SLC44A5: variants seen among roughly 807,000 people sequenced by gnomAD.
SLC44A5 encodes solute carrier family 44 member 5.
SLC44A5 carries 57 observed loss-of-function variants against 101.8 expected under a neutral mutation model. The ratio of observed to expected loss-of-function variants is 0.56; its 90% CI spans 0.45 to 0.70. The LOEUF (loss-of-function observed/expected upper bound fraction) is 0.70. Among genes scored for constraint, SLC44A5 ranks in the 30% least tolerant of loss-of-function variants. The pLI is 0.00. For synonymous variants in SLC44A5, 281 were observed against 290.9 expected, an observed-to-expected ratio of 0.97 and a Z score of 0.35; for missense variants, 737 against 853.1, an observed-to-expected ratio of 0.86 and a Z score of 1.70.
Position 75,242,059 on chromosome 1 carries a change from A to T in SLC44A5, c.474T>A (p.Ser158=). 6.2e-7 allele frequency: 1 copy of T among 1,611,442 alleles called. No homozygotes were observed. The highest frequency in any genetic ancestry group is 1.1e-5 in the South Asian group (1 of 90,942). The part of the protein sequence containing the change: ...FCKTTAKPVK[S]LTQLLLDDDC... ...CATCATCCAGTAAAAGCTGTGTGAG[A>T]GACTAAAATAGAAGGAAGAACGTTA... Residue 158 remains serine (S), a splice_region_variant and synonymous_variant, in exon 9 of 24, where the codon TCT becomes TCA. Coordinates refer to ENST00000370859, the MANE Select transcript of SLC44A5 (RefSeq NM_001130058.2).
At chr1:75,613,858 A>G (rs1248303123), upstream of SLC44A5, among the ~76,000 whole-genome samples, 1 of 152,216 alleles carries the variant, frequency 6.6e-6, no homozygotes, top group Non-Finnish European at 1.5e-5. Context: ...ACGGAAGAAT[A>G]AAGGGGAGGT....
rs1674681559 is a variant in SLC44A5 at position 75,597,113 on chromosome 1, G to A, written c.-70+13927C>T. 2.0e-5 allele frequency among the ~76,000 whole-genome samples: 3 copies of A among 151,622 alleles called. 1 individual carries two copies. In the South Asian group the frequency reaches 6.3e-4, roughly 32 times the overall value. On this transcript the variant is annotated intron_variant, in intron 1 of 23. Coordinates refer to ENST00000370859, the MANE Select transcript of SLC44A5 (RefSeq NM_001130058.2). ...TGAAGTGGGAGGATGGCTTGAGCCT[G>A]GGAGGTGGAGGTTGCACTGAGCCAA...
chr1:75,233,934 A>C, intron 12 of SLC44A5, 52 bp downstream of exon 12: 2 of 1,328,366 alleles, frequency 1.5e-6, no homozygotes, highest in Non-Finnish European at 2.1e-6. Context: ...CAGCGATTGA[A>C]AATAAAAGGA....
At chr1:75,206,926 T>C (rs1220109398) in intron 23 of SLC44A5, among the ~76,000 whole-genome samples, 1 of 152,082 alleles carries the variant, frequency 6.6e-6, no homozygotes, top group Non-Finnish European at 1.5e-5. Flanking sequence ...ACTTCCTAAA[T>C]CCCTCCCACT....
At chr1:75,491,924 C>T (rs1668446661) in intron 2 of SLC44A5, among the ~76,000 whole-genome samples, 1 of 152,178 alleles carries the variant, frequency 6.6e-6, no homozygotes, top group African/African-American at 2.4e-5. Context: ...GTTTTCATTT[C>T]TTCCATTTTT....
intron 1 of SLC44A5, among the ~76,000 whole-genome samples, chr1:75,551,170 C>A (rs747657284): frequency 6.6e-6 from 1 of 152,044 alleles, no homozygotes; most frequent in African/African-American, 2.4e-5. Flanking sequence ...GCTTAGCCCA[C>A]CCAAAAGGGC....
Position 75,479,313 on chromosome 1 carries a change from C to T in SLC44A5, c.13+62122G>A, listed in dbSNP as rs189028618. Among the ~76,000 whole-genome samples the T allele has an allele frequency of 5.8e-3, 882 of 152,178 alleles. 4 individuals are homozygous for T. Among genetic ancestry groups the T allele is most frequent in the African/African-American group, 0.02 (845 of 41,534 alleles). ...AAGAGAAAGCAGGAAAGATCTAAAA[C>T]TGACACCCTAACATCACAATTAAAA... On this transcript the variant is annotated intron_variant, in intron 2 of 23. Coordinates refer to ENST00000370859, the MANE Select transcript of SLC44A5 (RefSeq NM_001130058.2).
At chr1:75,506,373 T>A (rs78269346) in intron 2 of SLC44A5, among the ~76,000 whole-genome samples, 2 of 152,178 alleles carry the variant, frequency 1.3e-5, no homozygotes, top group African/African-American at 4.8e-5. Context: ...AATAGTTTGT[T>A]TCTAATTCTA....
intron 5 of SLC44A5, among the ~76,000 whole-genome samples, chr1:75,292,172 G>C (rs1323445882): frequency 6.6e-6 from 1 of 151,988 alleles, no homozygotes; most frequent in Non-Finnish European, 1.5e-5. Context: ...GTTCAGGCAG[G>C]TCCTTATCTT....
intron 2 of SLC44A5, among the ~76,000 whole-genome samples, chr1:75,536,930 C>T (rs1180705626): frequency 7.9e-5 from 10 of 127,010 alleles, no homozygotes; most frequent in African/African-American, 8.7e-5. Flanking sequence ...GGCGTGAACC[C>T]GGGAGGCGGA....
chr1:75,357,427 C>A (rs970715047), intron 3 of SLC44A5, among the ~76,000 whole-genome samples: 1 of 152,286 alleles, frequency 6.6e-6, no homozygotes, highest in African/African-American at 2.4e-5. Context: ...TCACTGAGTG[C>A]TTTCTCTGTA....
At chr1:75,671,986 C>T in the SLC44A5 span, among the ~76,000 whole-genome samples, 2 of 152,182 alleles carry the variant, frequency 1.3e-5, no homozygotes, top group Non-Finnish European at 2.9e-5. Context: ...CGTAGAGCAA[C>T]ATGGCCTTCT....
At chr1:75,545,371 C>T (rs1671589727) in intron 1 of SLC44A5, among the ~76,000 whole-genome samples, 1 of 151,964 alleles carries the variant, frequency 6.6e-6, no homozygotes. Context: ...GGGTATATAC[C>T]CAGTAATGGG....
chr1:75,716,856 AC>A, the SLC44A5 span, among the ~76,000 whole-genome samples: 725 of 151,964 alleles, frequency 4.8e-3, 5 homozygotes, highest in African/African-American at 0.017. Flanking sequence ...ACAGGGTGAA[AC>A]CCCATCTCTA....
chr1:75,412,339 G>A (rs1424112291), intron 2 of SLC44A5, among the ~76,000 whole-genome samples: 1 of 152,128 alleles, frequency 6.6e-6, no homozygotes, highest in Non-Finnish European at 1.5e-5. Flanking sequence ...CATAGAACAA[G>A]GAGGAACAAT....
chr1:75,612,521 A>T (rs1675699282), upstream of SLC44A5, among the ~76,000 whole-genome samples: 1 of 152,202 alleles, frequency 6.6e-6, no homozygotes, highest in South Asian at 2.1e-4. Flanking sequence ...CAGACAATCT[A>T]AAGTAACCTC....
At chr1:75,689,064 T>C in the SLC44A5 span, among the ~76,000 whole-genome samples, 3 of 152,174 alleles carry the variant, frequency 2.0e-5, no homozygotes, top group East Asian at 3.9e-4. Context: ...TATTTGCTTT[T>C]TGAGAGGACT....
chr1:75,305,337 G>GC (rs1654818735), intron 4 of SLC44A5, among the ~76,000 whole-genome samples: 2 of 152,022 alleles, frequency 1.3e-5, no homozygotes, highest in African/African-American at 4.8e-5. Flanking sequence ...TCAGACTATT[G>GC]CCGTGGTCTC....
At chr1:75,602,906 A>G (rs749926058) in intron 1 of SLC44A5, among the ~76,000 whole-genome samples, 1 of 152,116 alleles carries the variant, frequency 6.6e-6, no homozygotes, top group Non-Finnish European at 1.5e-5. Context: ...ACTTTCCTGT[A>G]AGGCAAATCT....
Sources: allele counts gnomAD v4.1 joint callset (sites outside exome capture counted in the v4.1 genomes callset), GRCh38; gene constraint gnomAD v4.1.1; transcripts MANE v1.5; gene names NCBI Gene and HGNC (gene_info 2026-07-23, HGNC 2026-07-21).